The following CPE variants were observed in gnomAD, a reference collection of about 807,000 sequenced individuals.
CPE encodes the protein carbocypeptidase E.
In CPE, 17 loss-of-function variants were observed where a neutral mutation model predicts 53.5. That is an observed-to-expected ratio of 0.32 (90% CI 0.22 to 0.48). The LOEUF (loss-of-function observed/expected upper bound fraction) is 0.48. CPE is among the 20% of genes least tolerant of loss of function. The pLI is 0.99. For synonymous variants in CPE, 226 were observed against 228.8 expected (o/e 0.99, Z 0.11); for missense variants, 524 against 614.7 (o/e 0.85, Z 1.56).
chr4:165,478,836 C>T (rs1732350661), intron 3 of CPE, among the ~76,000 whole-genome samples: 1 of 152,122 alleles, frequency 6.6e-6, no homozygotes, highest in African/African-American at 2.4e-5. Context: ...TTTCCTTACC[C>T]CCGACAGATG....
chr4:165,407,436 A>G (rs1467435116), intron 1 of CPE, among the ~76,000 whole-genome samples: 1 of 149,644 alleles, frequency 6.7e-6, no homozygotes, highest in Non-Finnish European at 1.5e-5. Flanking sequence ...GGGTCCGGCT[A>G]TGTTGCCCAG....
At chr4:165,430,685 GAA>G (rs1560879988) in intron 1 of CPE, among the ~76,000 whole-genome samples, 2 of 151,834 alleles carry the variant, frequency 1.3e-5, no homozygotes, top group African/African-American at 4.8e-5. Flanking sequence ...CCTCATAAAA[GAA>G]ATGCAAAAAG....
chr4:165,491,695 A>C (rs1023250114), intron 6 of CPE, among the ~76,000 whole-genome samples: 13 of 152,340 alleles, frequency 8.5e-5, no homozygotes, highest in Middle Eastern at 3.4e-3. Flanking sequence ...AACATTAAAA[A>C]ATTACATGTT....
chr4:165,445,048 C>T (rs1731682315), intron 1 of CPE, among the ~76,000 whole-genome samples: 2 of 152,214 alleles, frequency 1.3e-5, no homozygotes, highest in South Asian at 4.1e-4. Flanking sequence ...CCTCTGCCTC[C>T]TGGGTTCAAG....
chr4:165,438,593 G>A (rs910559211), intron 1 of CPE, among the ~76,000 whole-genome samples: 3 of 152,142 alleles, frequency 2.0e-5, no homozygotes, highest in Admixed American at 6.6e-5. Flanking sequence ...CTACAGTTTA[G>A]TGGGAAAGAC....
In CPE at chr4:165,444,112, G is replaced by A. The variant is rs115697750; in HGVS notation, c.308-20278G>A. 4.2e-3 allele frequency among the ~76,000 whole-genome samples: 638 copies of A among 152,252 alleles called. 4 individuals are homozygous for A. Among genetic ancestry groups the A allele is most frequent in the African/African-American group, 0.014 (582 of 41,536 alleles). ...GTAACAGCCTGAATGGACCAAGCCA[G>A]GCGTCAACATATGAATTTTGAGGGT... On this transcript the variant is annotated intron_variant, in intron 1 of 8. Coordinates refer to ENST00000402744, the MANE Select transcript of CPE (RefSeq NM_001873.4).
rs779053382 is a variant in CPE at position 165,467,848 on chromosome 4, A to G, written c.665A>G (p.Asn222Ser). 26 of 1,613,358 alleles carry G rather than the reference A, an allele frequency of 1.6e-5. No homozygotes were observed. The highest frequency in any genetic ancestry group is 2.1e-5 in the Non-Finnish European group (25 of 1,179,666). The change falls in exon 3 of 9, where the codon AAC becomes AGC. Residue 222 changes from asparagine (N) to serine (S), a missense_variant. Physicochemically the swap from Asn to Ser is conservative, Grantham distance 46. Transcript: ENST00000402744. ...LKNMKKIVDQ[N>S]TKLAPETKAV... ...AATATGAAGAAAATTGTGGATCAAA[A>G]CACAAAGGTAGTGACCACGGGATAG...
intron 1 of CPE, chr4:165,405,991 C>T: frequency 1.3e-6 from 1 of 746,760 alleles, no homozygotes; most frequent in Admixed American, 1.7e-5. Context: ...CTTGTGGTAT[C>T]TGTGTTACTT....
chr4:165,462,870 T>C (rs562427554), intron 1 of CPE, among the ~76,000 whole-genome samples: 16 of 152,128 alleles, frequency 1.1e-4, no homozygotes, highest in Admixed American at 2.0e-4. Flanking sequence ...CTGGGGTGAA[T>C]AGTCACTTAA....
chr4:165,435,964 G>T (rs1167193610), intron 1 of CPE, among the ~76,000 whole-genome samples: 1 of 151,950 alleles, frequency 6.6e-6, no homozygotes, highest in Non-Finnish European at 1.5e-5. Context: ...TTTTAACCTG[G>T]TTGCCAGGGC....
intron 1 of CPE, among the ~76,000 whole-genome samples, chr4:165,413,731 G>A (rs1174565089): frequency 6.6e-6 from 1 of 152,158 alleles, no homozygotes; most frequent in African/African-American, 2.4e-5. Flanking sequence ...ACAGAGGAGG[G>A]GACAACCAAC....
intron 1 of CPE, among the ~76,000 whole-genome samples, chr4:165,438,000 T>A (rs1731541377): frequency 6.6e-6 from 1 of 152,134 alleles, no homozygotes; most frequent in Non-Finnish European, 1.5e-5. Context: ...TCAACATAAG[T>A]TGCCTAGTGT....
intron 1 of CPE, among the ~76,000 whole-genome samples, chr4:165,398,807 G>C (rs1579243162): frequency 6.6e-6 from 1 of 151,834 alleles, no homozygotes; most frequent in African/African-American, 2.4e-5. Flanking sequence ...GCCTCCTGCT[G>C]TTTTTTTTCT....
At chr4:165,485,940 G>A (rs1732498698) in intron 5 of CPE, among the ~76,000 whole-genome samples, 1 of 152,148 alleles carries the variant, frequency 6.6e-6, no homozygotes. Flanking sequence ...AGTGAGGGAA[G>A]CAGGGCAAGG....
At chr4:165,417,930 T>C (rs28547315) in intron 1 of CPE, among the ~76,000 whole-genome samples, 46,019 of 152,006 alleles carry the variant, frequency 0.3, 7,057 homozygotes, top group Middle Eastern at 0.41. Context: ...TTTTTTGTTT[T>C]TGTTCTGTGT....
intron 1 of CPE, among the ~76,000 whole-genome samples, chr4:165,447,740 A>G (rs925577599): frequency 2.0e-5 from 3 of 152,178 alleles, no homozygotes; most frequent in Admixed American, 6.5e-5. Context: ...CTGTACAAAA[A>G]TCTTTTCTTT....
At position 165,487,567 on chromosome 4, in the gene CPE, A is replaced by G. The variant is rs747273604; in HGVS notation, c.1103A>G (p.Tyr368Cys). ...WEDNKNSLIS[Y>C]LEQIHRGVKG... ...GATAACAAAAACTCCCTCATTAGCTACCTTGAGCAGGTAAACACAGTCCCC... is the reference window on the plus strand; with the variant it reads ...GATAACAAAAACTCCCTCATTAGCTGCCTTGAGCAGGTAAACACAGTCCCC... The change falls in exon 6 of 9, where the codon TAC (tyrosine) becomes TGC (cysteine). Residue 368 changes from tyrosine (Y) to cysteine (C), a missense_variant. Transcript: ENST00000402744. 2 of 1,614,064 alleles carry G rather than the reference A, an allele frequency of 1.2e-6. No individual in the cohort carries two copies. The highest frequency in any genetic ancestry group is 1.1e-5 in the South Asian group (1 of 91,076).
intron 1 of CPE, among the ~76,000 whole-genome samples, chr4:165,420,638 C>T (rs1030073147): frequency 3.3e-5 from 5 of 151,548 alleles, no homozygotes; most frequent in Admixed American, 6.6e-5. Context: ...GTTTATATAT[C>T]GTAATTTATT....
intron 1 of CPE, among the ~76,000 whole-genome samples, chr4:165,407,564 T>C (rs1730972694): frequency 6.6e-6 from 1 of 151,772 alleles, no homozygotes; most frequent in Admixed American, 6.6e-5. Flanking sequence ...TTTTTTTTTT[T>C]TGAGATGGAG....
Sources: gnomAD v4.1 joint callset for allele counts (sites outside exome capture counted in the v4.1 genomes callset) on GRCh38, gnomAD v4.1.1 for gene constraint, MANE v1.5 for transcripts, NCBI Gene and HGNC (gene_info 2026-07-23, HGNC 2026-07-21) for gene names.